The following VRK1 variants were observed in gnomAD, a reference collection of about 807,000 sequenced individuals.
The protein encoded by VRK1 is VRK serine/threonine kinase 1.
In VRK1, 33 loss-of-function variants were observed where a neutral mutation model predicts 57.1. That is an observed-to-expected ratio of 0.58 (90% CI 0.44 to 0.77). VRK1 has a LOEUF of 0.77. Ranked by LOEUF, VRK1 falls within the 30% of genes least tolerant of loss-of-function variation. The pLI, the probability that VRK1 is intolerant of heterozygous loss-of-function variation, is 0.00. For synonymous variants in VRK1, 137 were observed against 147.8 expected (o/e 0.93, Z 0.53); for missense variants, 413 against 477.3 (o/e 0.87, Z 1.25).
intron 1 of VRK1, among the ~76,000 whole-genome samples, chr14:96,812,597 G>A (rs930510146): frequency 2.0e-5 from 3 of 152,118 alleles, no homozygotes; most frequent in East Asian, 1.9e-4. Flanking sequence ...AACTGGCTTA[G>A]TTGTCTTTTT....
chr14:96,815,254 G>A (rs1886348377), intron 1 of VRK1, among the ~76,000 whole-genome samples: 1 of 152,066 alleles, frequency 6.6e-6, no homozygotes, highest in Admixed American at 6.5e-5. Context: ...ATTTGTTATT[G>A]ATTTCCAGGA....
chr14:96,847,355 G>T lies in VRK1; in HGVS notation c.374+11G>T, dbSNP rs937625087. ...CAAAAATGGAAAAAGGTAAAAATAT[G>T]TGTGATTTGTCTTTCTCCTTCCCTT... On this transcript the variant is annotated intron_variant, in intron 5 of 12. Coordinates refer to ENST00000216639, the MANE Select transcript of VRK1 (RefSeq NM_003384.3). 2 of 1,605,188 alleles carry T rather than the reference G, an allele frequency of 1.2e-6. No individual in the cohort carries two copies. The highest frequency in any genetic ancestry group is 1.7e-6 in the Non-Finnish European group (2 of 1,172,204).
intron 3 of VRK1, among the ~76,000 whole-genome samples, chr14:96,843,605 A>G (rs1481671198): frequency 6.6e-6 from 1 of 152,120 alleles, no homozygotes; most frequent in Non-Finnish European, 1.5e-5. Context: ...TGTCATCTTC[A>G]TTTTGACACT....
chr14:96,831,454 T>C (rs1887000588), intron 1 of VRK1, among the ~76,000 whole-genome samples: 1 of 152,218 alleles, frequency 6.6e-6, no homozygotes, highest in African/African-American at 2.4e-5. Context: ...ATGACGCTGT[T>C]CTGTGGGACT....
At chr14:96,843,127 T>C (rs1887532046) in intron 3 of VRK1, among the ~76,000 whole-genome samples, 1 of 152,246 alleles carries the variant, frequency 6.6e-6, no homozygotes, top group Admixed American at 6.5e-5. Flanking sequence ...GTTGGGGCTT[T>C]AATCCTTGAC....
At chr14:96,834,730 T>C (rs1348746524) in intron 2 of VRK1, among the ~76,000 whole-genome samples, 1 of 152,226 alleles carries the variant, frequency 6.6e-6, no homozygotes, top group African/African-American at 2.4e-5. Flanking sequence ...ATGTTGATTC[T>C]CTGGTTTTGT....
chr14:96,803,208 G>A (rs1361595581), intron 1 of VRK1, among the ~76,000 whole-genome samples: 8 of 117,870 alleles, frequency 6.8e-5, no homozygotes, highest in African/African-American at 2.3e-4. Context: ...CTCTTATCTT[G>A]TCCCCCAGGC....
chr14:96,836,839 T>A (rs1371124736), intron 2 of VRK1, among the ~76,000 whole-genome samples: 1 of 152,072 alleles, frequency 6.6e-6, no homozygotes, highest in Non-Finnish European at 1.5e-5. Context: ...CAGATCAGGG[T>A]CTTGGTGCTG....
chr14:96,831,448 C>T (rs577429326), intron 1 of VRK1, among the ~76,000 whole-genome samples: 6 of 152,272 alleles, frequency 3.9e-5, no homozygotes, highest in East Asian at 1.9e-4. Context: ...ACAGCGATGA[C>T]GCTGTTCTGT....
At chr14:96,835,127 A>T (rs1451607409) in intron 2 of VRK1, among the ~76,000 whole-genome samples, 3 of 152,124 alleles carry the variant, frequency 2.0e-5, no homozygotes, top group African/African-American at 7.2e-5. Context: ...TAAGGTTGGG[A>T]TGACTAATCT....
intron 1 of VRK1, among the ~76,000 whole-genome samples, chr14:96,812,038 TATA>T (rs1886225695): frequency 6.6e-6 from 1 of 152,244 alleles, no homozygotes; most frequent in Non-Finnish European, 1.5e-5. Flanking sequence ...ATTGGAATCA[TATA>T]ATATGTAGTG....
In VRK1 at chr14:96,846,914, G is replaced by A. The variant is rs186069660; in HGVS notation, c.287-343G>A. 1.3e-3 allele frequency among the ~76,000 whole-genome samples: 203 copies of A among 152,112 alleles called. 1 individual carries two copies. The highest frequency in any genetic ancestry group is 3.9e-3 in the Admixed American group (60 of 15,268). On this transcript the variant is annotated intron_variant, in intron 4 of 12. Transcript: ENST00000216639. ...ACACCATTTTATATGAGGGACTTGA[G>A]CATCTGGATTTTGGTGTCTTGAGGG... is the stretch of plus-strand genomic sequence containing the variant.
chr14:96,805,476 C>G (rs1885835270), intron 1 of VRK1, among the ~76,000 whole-genome samples: 1 of 152,288 alleles, frequency 6.6e-6, no homozygotes, highest in South Asian at 2.1e-4. Flanking sequence ...GTGCCTACTT[C>G]AGTTGTTAGT....
At chr14:96,838,237 T>C (rs949378351) in intron 3 of VRK1, among the ~76,000 whole-genome samples, 1 of 152,166 alleles carries the variant, frequency 6.6e-6, no homozygotes, top group African/African-American at 2.4e-5. Context: ...CCAATTTTCT[T>C]CCATTTTAGT....
chr14:96,812,501 G>A (rs911654542), intron 1 of VRK1, among the ~76,000 whole-genome samples: 1 of 152,090 alleles, frequency 6.6e-6, no homozygotes, highest in African/African-American at 2.4e-5. Flanking sequence ...AACAACTAAT[G>A]ATACTGAGCA....
chr14:96,819,672 C>G (rs1397573777), intron 1 of VRK1, among the ~76,000 whole-genome samples: 1 of 152,060 alleles, frequency 6.6e-6, no homozygotes, highest in African/African-American at 2.4e-5. Flanking sequence ...TGTAAAAATC[C>G]GTGTTTTGGG....
At chr14:96,824,665 A>T (rs1886730690) in intron 1 of VRK1, among the ~76,000 whole-genome samples, 1 of 139,524 alleles carries the variant, frequency 7.2e-6, no homozygotes, top group Admixed American at 7.2e-5. Context: ...AAAAACATTA[A>T]TTTTTTTTTT....
intron 1 of VRK1, among the ~76,000 whole-genome samples, chr14:96,804,117 A>G (rs192442663): frequency 6.6e-6 from 1 of 152,028 alleles, no homozygotes; most frequent in Non-Finnish European, 1.5e-5. Flanking sequence ...GGTTGTTCTC[A>G]TTTTTTCTTC....
At chr14:96,832,826 C>T (rs1887061481) in intron 1 of VRK1, among the ~76,000 whole-genome samples, 1 of 152,120 alleles carries the variant, frequency 6.6e-6, no homozygotes, top group South Asian at 2.1e-4. Flanking sequence ...CAGTGACTTC[C>T]ATAATTGTGG....
Sources: allele counts gnomAD v4.1 joint callset (sites outside exome capture counted in the v4.1 genomes callset), GRCh38; gene constraint gnomAD v4.1.1; transcripts MANE v1.5; gene names NCBI Gene and HGNC (gene_info 2026-07-23, HGNC 2026-07-21).